Variants in KLRG2 observed in about 807,000 individuals in gnomAD.
The protein encoded by KLRG2 is killer cell lectin like receptor G2.
Under a neutral mutation model 35.4 loss-of-function variants are expected in KLRG2, and 39 were observed. The ratio of observed to expected loss-of-function variants is 1.10; its 90% CI spans 0.85 to 1.44. The LOEUF is 1.44. KLRG2 is among the 40% of genes most tolerant of loss of function. The probability of loss-of-function intolerance (pLI) is 0.00; values close to 1 mark genes in which losing one functional copy is unlikely to be tolerated. For missense variants in KLRG2, 632 were observed against 570.9 expected, an observed-to-expected ratio of 1.11 and a Z score of -1.09; for synonymous variants, 283 against 265.8, an observed-to-expected ratio of 1.06 and a Z score of -0.63.
At chr7:139,443,834 T>C in the KLRG2 span, among the ~76,000 whole-genome samples, 1 of 152,328 alleles carries the variant, frequency 6.6e-6, no homozygotes, top group African/African-American at 2.4e-5. Flanking sequence ...TTACTGAGAA[T>C]TGACTCGTAC....
At chr7:139,436,478 A>C in the KLRG2 span, among the ~76,000 whole-genome samples, 3 of 152,108 alleles carry the variant, frequency 2.0e-5, no homozygotes, top group African/African-American at 4.8e-5. Context: ...CCTTGGGACT[A>C]GTTTCTAGCT....
chr7:139,454,311 C>A, intron 3 of KLRG2, 97 bp from the exon 4 acceptor site: 1 of 685,762 alleles, frequency 1.5e-6, no homozygotes, highest in East Asian at 2.7e-5. Flanking sequence ...TCCCAGCTGG[C>A]CAATCCAGAA....
the KLRG2 span, among the ~76,000 whole-genome samples, chr7:139,444,369 AG>A: frequency 0.39 from 59,133 of 151,492 alleles, 16,336 homozygotes; most frequent in African/African-American, 0.79. Flanking sequence ...TTAGTAGAGA[AG>A]GGGGTTTCAC....
chr7:139,469,285 G>A (rs568089168), intron 3 of KLRG2, among the ~76,000 whole-genome samples: 9 of 152,094 alleles, frequency 5.9e-5, no homozygotes, highest in South Asian at 2.1e-4. Flanking sequence ...TCAGCCTCCC[G>A]AATAGCTGGG....
chr7:139,456,288 A>G (rs1796475378), intron 3 of KLRG2, among the ~76,000 whole-genome samples: 1 of 152,200 alleles, frequency 6.6e-6, no homozygotes, highest in African/African-American at 2.4e-5. Flanking sequence ...ACCCTCTCCA[A>G]GGTGAAATAG....
At chr7:139,444,366 AG>A in the KLRG2 span, among the ~76,000 whole-genome samples, 1 of 117,964 alleles carries the variant, frequency 8.5e-6, no homozygotes, top group Non-Finnish European at 1.6e-5. Flanking sequence ...TTTTTAGTAG[AG>A]AAGGGGGTTT....
At chr7:139,454,269 G>A in intron 3 of KLRG2, 55 bp from the exon 4 acceptor site, 2 of 862,190 alleles carry the variant, frequency 2.3e-6, no homozygotes, top group African/African-American at 1.7e-5. Flanking sequence ...GGCTTGCCTG[G>A]GGCGTACGGA....
the KLRG2 span, among the ~76,000 whole-genome samples, chr7:139,444,917 A>T: frequency 6.6e-6 from 1 of 152,182 alleles, no homozygotes; most frequent in Admixed American, 6.5e-5. Context: ...AAAACGGGCT[A>T]ATCTTCCTAT....
chr7:139,468,643 G>T (rs1313706328), intron 3 of KLRG2, among the ~76,000 whole-genome samples: 1 of 152,148 alleles, frequency 6.6e-6, no homozygotes, highest in Admixed American at 6.6e-5. Flanking sequence ...TCTTCACACG[G>T]ACGTGAGTGA....
At chr7:139,477,033 CG>C (rs1796862884) in intron 3 of KLRG2, among the ~76,000 whole-genome samples, 1 of 152,130 alleles carries the variant, frequency 6.6e-6, no homozygotes. Context: ...AAAGCACTGA[CG>C]GAAGGAGTGC....
chr7:139,482,817 G>C (rs1796983339), intron 1 of KLRG2, 69 bp downstream of exon 1: 4 of 1,307,758 alleles, frequency 3.1e-6, no homozygotes. Context: ...AGGGCTGGGC[G>C]GGTGTGGGGG....
chr7:139,450,215 G>T (rs1308711851), downstream of KLRG2, among the ~76,000 whole-genome samples: 3 of 139,422 alleles, frequency 2.2e-5, no homozygotes, highest in African/African-American at 2.6e-5. Context: ...GCTAATGTTT[G>T]TTTTTTTTTT....
chr7:139,460,811 T>G (rs930989060), intron 3 of KLRG2, among the ~76,000 whole-genome samples: 1 of 151,672 alleles, frequency 6.6e-6, no homozygotes, highest in African/African-American at 2.4e-5. Flanking sequence ...ATACAAAAAT[T>G]AGCTGCATGT....
the KLRG2 span, among the ~76,000 whole-genome samples, chr7:139,440,254 T>C: frequency 7.9e-4 from 119 of 151,384 alleles, 1 homozygote; most frequent in African/African-American, 2.6e-3. Context: ...GAATTATAGG[T>C]GTGTGCCACC....
chr7:139,436,083 A>G, the KLRG2 span, among the ~76,000 whole-genome samples: 2 of 151,872 alleles, frequency 1.3e-5, no homozygotes, highest in African/African-American at 4.8e-5. Flanking sequence ...TGTATTTTTT[A>G]GTAGAGACAG....
downstream of KLRG2, among the ~76,000 whole-genome samples, chr7:139,449,400 C>T (rs1796343981): frequency 6.6e-6 from 1 of 152,002 alleles, no homozygotes; most frequent in Non-Finnish European, 1.5e-5. Context: ...GGCTCCGCTT[C>T]AAAAAATTAA....
chr7:139,477,059 TA>T (rs1796863224), intron 3 of KLRG2, among the ~76,000 whole-genome samples: 1 of 152,128 alleles, frequency 6.6e-6, no homozygotes, highest in South Asian at 2.1e-4. Context: ...TTTTCATACA[TA>T]CCAGAACAGC....
At chr7:139,428,577 C>A in the KLRG2 span, among the ~76,000 whole-genome samples, 1 of 151,982 alleles carries the variant, frequency 6.6e-6, no homozygotes, top group Non-Finnish European at 1.5e-5. Context: ...TTTTTGATTT[C>A]TTGATATTTT....
At chr7:139,464,264 C>T (rs898995383) in intron 3 of KLRG2, among the ~76,000 whole-genome samples, 5 of 152,274 alleles carry the variant, frequency 3.3e-5, no homozygotes, top group Middle Eastern at 6.8e-3. Flanking sequence ...ACCCATACCC[C>T]GCTAAACGCC....
Sources: allele counts gnomAD v4.1 joint callset (sites outside exome capture counted in the v4.1 genomes callset), GRCh38; gene constraint gnomAD v4.1.1; transcripts MANE v1.5; gene names NCBI Gene and HGNC (gene_info 2026-07-23, HGNC 2026-07-21).